The following ZRANB3 variants were observed in gnomAD, a reference collection of about 807,000 sequenced individuals.
The protein encoded by ZRANB3 is zinc finger RANBP2-type containing 3, also known as DNA annealing helicase and endonuclease ZRANB3.
In ZRANB3, 125 loss-of-function variants were observed where a neutral mutation model predicts 133.8. The observed-to-expected ratio is 0.93, with a 90% CI of 0.81 to 1.08. ZRANB3 has a LOEUF of 1.08. Ranked by LOEUF, ZRANB3 falls within the 50% of genes least tolerant of loss-of-function variation. The pLI, the probability that ZRANB3 is intolerant of heterozygous loss-of-function variation, is 0.00. For missense variants in ZRANB3, 1,229 were observed against 1,275.5 expected (o/e 0.96, Z 0.56); for synonymous variants, 387 against 432.7 (o/e 0.89, Z 1.31).
At chr2:135,289,106 G>C (rs1573838329) in intron 8 of ZRANB3, among the ~76,000 whole-genome samples, 1 of 151,978 alleles carries the variant, frequency 6.6e-6, no homozygotes, top group Non-Finnish European at 1.5e-5. Context: ...CTGTATCCTA[G>C]AGGTTTTGAT....
chr2:135,339,237 C>A (rs1222622323), intron 6 of ZRANB3, among the ~76,000 whole-genome samples: 2 of 152,274 alleles, frequency 1.3e-5, no homozygotes, highest in South Asian at 2.1e-4. Context: ...TGTGGTAAAA[C>A]CCGTCTCTAC....
intron 3 of ZRANB3, among the ~76,000 whole-genome samples, chr2:135,363,690 A>T (rs1436885962): frequency 6.6e-6 from 1 of 152,204 alleles, no homozygotes; most frequent in Non-Finnish European, 1.5e-5. Flanking sequence ...GGGGGGAAAA[A>T]GTCCAATCTC....
intron 2 of ZRANB3, among the ~76,000 whole-genome samples, chr2:135,430,042 G>A (rs1322712317): frequency 6.6e-6 from 1 of 152,026 alleles, no homozygotes; most frequent in Non-Finnish European, 1.5e-5. Flanking sequence ...CCCACGTGGT[G>A]TTGCACGCCT....
chr2:135,431,516 A>C (rs1489990633), intron 2 of ZRANB3, among the ~76,000 whole-genome samples: 4 of 152,260 alleles, frequency 2.6e-5, no homozygotes, highest in Middle Eastern at 6.8e-3. Context: ...TTTGAAAGAC[A>C]CTTTAAAGAC....
At chr2:135,329,138 C>T (rs1044933565) in intron 6 of ZRANB3, among the ~76,000 whole-genome samples, 1 of 152,296 alleles carries the variant, frequency 6.6e-6, no homozygotes, top group Admixed American at 6.5e-5. Context: ...CTTGCCCATG[C>T]CTATATCCTG....
Position 135,198,577 on chromosome 2 carries a change from G to T in ZRANB3, c.*1765C>A. 6.6e-6 allele frequency: 1 copy of T among 152,204 alleles called. No homozygotes were observed. Among genetic ancestry groups the T allele is most frequent in the East Asian group, 1.9e-4 (1 of 5,202 alleles). 9.4% of individuals were successfully genotyped at this position (152,204 alleles called of 1,614,324 possible). A position where few individuals can be genotyped will look rare whatever the true frequency, so the allele number is the denominator to read the frequency against. ...CTTTCTCCTTAGAATTATCACCTTAGTGTGATCTGAAGAGCAAGTTCCCCT... is the reference window on the plus strand; with the variant it reads ...CTTTCTCCTTAGAATTATCACCTTATTGTGATCTGAAGAGCAAGTTCCCCT... On this transcript the variant is annotated 3_prime_UTR_variant, in exon 21 of 21. Transcript: ENST00000264159.
At chr2:135,218,329 G>GA (rs921350700) in intron 16 of ZRANB3, among the ~76,000 whole-genome samples, 17 of 151,606 alleles carry the variant, frequency 1.1e-4, no homozygotes, top group African/African-American at 2.2e-4. Flanking sequence ...GTTTTCACAG[G>GA]AAAAAAAACA....
At chr2:135,402,125 TAA>T (rs1687760251) in intron 2 of ZRANB3, among the ~76,000 whole-genome samples, 1 of 151,950 alleles carries the variant, frequency 6.6e-6, no homozygotes, top group African/African-American at 2.4e-5. Context: ...ACAAAAATTT[TAA>T]GTAAACAATG....
intron 6 of ZRANB3, among the ~76,000 whole-genome samples, chr2:135,316,998 A>ATATG (rs1347426536): frequency 2.7e-4 from 41 of 149,444 alleles, no homozygotes; most frequent in African/African-American, 9.0e-4. Context: ...ATATATATAT[A>ATATG]TATACTTGCA....
At chr2:135,408,947 A>C (rs1333964897) in intron 2 of ZRANB3, among the ~76,000 whole-genome samples, 2 of 152,136 alleles carry the variant, frequency 1.3e-5, no homozygotes, top group Non-Finnish European at 2.9e-5. Context: ...GCACGTTGGC[A>C]GATGTACCCT....
chr2:135,415,942 T>C (rs1434450769), intron 2 of ZRANB3, among the ~76,000 whole-genome samples: 1 of 151,792 alleles, frequency 6.6e-6, no homozygotes, highest in Admixed American at 6.6e-5. Context: ...AAATTAGGTA[T>C]TGATGGGACG....
chr2:135,287,647 C>T (rs1012526597), intron 8 of ZRANB3, among the ~76,000 whole-genome samples: 4 of 142,368 alleles, frequency 2.8e-5, no homozygotes. Flanking sequence ...TCTTTCAGGT[C>T]CTTGGTTAGG....
chr2:135,491,091 A>G (rs1354782610), intron 2 of ZRANB3, among the ~76,000 whole-genome samples: 2 of 152,174 alleles, frequency 1.3e-5, no homozygotes, highest in African/African-American at 2.4e-5. Flanking sequence ...GGGTGACTAC[A>G]GTTAGCGTTA....
At chr2:135,214,766 A>G (rs1235278384) in intron 17 of ZRANB3, among the ~76,000 whole-genome samples, 1 of 152,222 alleles carries the variant, frequency 6.6e-6, no homozygotes, top group Admixed American at 6.5e-5. Flanking sequence ...ATTTTTATAG[A>G]AAATGACACA....
At chr2:135,420,091 TTATATATA>T (rs201217358) in intron 2 of ZRANB3, among the ~76,000 whole-genome samples, 88 of 72,466 alleles carry the variant, frequency 1.2e-3, no homozygotes, top group Admixed American at 4.5e-3. Context: ...TATCTTAGAT[TTATATATA>T]TATATATATA....
Position 135,515,565 on chromosome 2 carries a change from T to A in ZRANB3, c.-7-11069A>T, listed in dbSNP as rs1693663538. Among the ~76,000 whole-genome samples the A allele has an allele frequency of 2.0e-5, 3 of 152,298 alleles. No homozygotes were observed. The South Asian group carries it at 6.2e-4, about 32-fold the overall frequency. The stretch of plus-strand genomic sequence containing the variant: ...TACCCAGTAGTCATTCAGGAGCAGG[T>A]TGTTCAGTTTCCATGTAGTTGTGCG... On this transcript the variant is annotated intron_variant, in intron 1 of 20. Transcript: ENST00000264159.
chr2:135,404,296 T>C (rs1455319117), intron 2 of ZRANB3, among the ~76,000 whole-genome samples: 2 of 152,164 alleles, frequency 1.3e-5, no homozygotes, highest in African/African-American at 2.4e-5. Context: ...GAGAACTATG[T>C]GACAAATGTA....
chr2:135,430,753 C>G (rs2104981222), intron 2 of ZRANB3, among the ~76,000 whole-genome samples: 1 of 152,222 alleles, frequency 6.6e-6, no homozygotes, highest in East Asian at 1.9e-4. Flanking sequence ...GTTGAAAAAT[C>G]ATCCATATAT....
At chr2:135,491,680 A>G (rs950826771) in intron 2 of ZRANB3, among the ~76,000 whole-genome samples, 1 of 151,246 alleles carries the variant, frequency 6.6e-6, no homozygotes, top group Non-Finnish European at 1.5e-5. Flanking sequence ...GGCCCAGCTA[A>G]TTTTTTTTGT....
Sources: gnomAD v4.1 joint callset for allele counts (sites outside exome capture counted in the v4.1 genomes callset) on GRCh38, gnomAD v4.1.1 for gene constraint, MANE v1.5 for transcripts, NCBI Gene and HGNC (gene_info 2026-07-23, HGNC 2026-07-21) for gene names.